PCDHGA6: variants seen among roughly 807,000 people sequenced by gnomAD.
PCDHGA6 encodes protocadherin gamma subfamily A, 6.
In PCDHGA6, 41 loss-of-function variants were observed where a neutral mutation model predicts 60.6. The observed-to-expected ratio is 0.68, with a 90% CI of 0.53 to 0.88. PCDHGA6 has a LOEUF of 0.88. PCDHGA6 is among the 40% of genes least tolerant of loss of function. The pLI, the probability that PCDHGA6 is intolerant of heterozygous loss-of-function variation, is 0.00. For missense variants in PCDHGA6, 1,312 were observed against 1,203.0 expected (o/e 1.09, Z -1.34); for synonymous variants, 594 against 524.4 (o/e 1.13, Z -1.81).
At chr5:141,414,706 A>G in intron 1 of PCDHGA6, 1 of 1,614,002 alleles carries the variant, frequency 6.2e-7, no homozygotes, top group South Asian at 1.1e-5. Context: ...ATACATATCC[A>G]TCAACTCAGA....
chr5:141,486,271 C>T lies in PCDHGA6; in HGVS notation c.2425-8536C>T. 1 of 1,614,086 alleles carries T rather than the reference C, an allele frequency of 6.2e-7. No homozygotes were observed. Among genetic ancestry groups the T allele is most frequent in the Non-Finnish European group, 8.5e-7 (1 of 1,179,994 alleles). ...CCCTCCCCGAGAGTGCAGAACCTGG[C>T]ACTGTGGTGGCACTTATCAGTGTGC... On this transcript the variant is annotated intron_variant, in intron 1 of 3. Coordinates refer to ENST00000517434, the MANE Select transcript of PCDHGA6 (RefSeq NM_018919.3). The surrounding 1 kb of genome is among the most constrained non-coding windows in gnomAD (Gnocchi z 5.0).
At chr5:141,383,719 A>G in intron 1 of PCDHGA6, 1 of 1,613,984 alleles carries the variant, frequency 6.2e-7, no homozygotes, top group Non-Finnish European at 8.5e-7. Flanking sequence ...CGAGGGAGTC[A>G]ATGGGGAAGT....
chr5:141,480,660 C>T (rs535356928), intron 1 of PCDHGA6, among the ~76,000 whole-genome samples: 2 of 152,170 alleles, frequency 1.3e-5, no homozygotes, highest in Non-Finnish European at 2.9e-5. Flanking sequence ...ACATTAAAAT[C>T]ACCTAGAGAC....
chr5:141,383,036 G>T, intron 1 of PCDHGA6: 1 of 1,613,876 alleles, frequency 6.2e-7, no homozygotes, highest in Non-Finnish European at 8.5e-7. Flanking sequence ...TCCTTTGTGG[G>T]AGACATCGCC....
chr5:141,476,412 G>T lies in PCDHGA6; in HGVS notation c.2425-18395G>T. The T allele has an allele frequency of 1.2e-6, 2 of 1,614,140 alleles. No homozygotes were observed. Among genetic ancestry groups the T allele is most frequent in the Non-Finnish European group, 1.7e-6 (2 of 1,180,010 alleles). On this transcript the variant is annotated intron_variant, in intron 1 of 3. Coordinates refer to ENST00000517434, the MANE Select transcript of PCDHGA6 (RefSeq NM_018919.3). The surrounding 1 kb of genome is among the most constrained non-coding windows in gnomAD (Gnocchi z 7.6). ...CGTCTGGATCGAGAGGAGCTGTGTGGGACACTGCCCTCTTGCACTGTAACT... is the reference window on the plus strand; with the variant it reads ...CGTCTGGATCGAGAGGAGCTGTGTGTGACACTGCCCTCTTGCACTGTAACT...
rs768559201 is a variant in PCDHGA6, at chr5:141,431,344, G to A, written c.2424+54837G>A. Reference sequence around the variant, plus strand: ...ACGGTAGTAAGTACCCCGAATTGGTGCTGAAACGCGCCCTGGACCGCGAAG... The same window carrying A: ...ACGGTAGTAAGTACCCCGAATTGGTACTGAAACGCGCCCTGGACCGCGAAG... On this transcript the variant is annotated intron_variant, in intron 1 of 3. Coordinates refer to ENST00000517434, the MANE Select transcript of PCDHGA6 (RefSeq NM_018919.3). The surrounding 1 kb of genome is among the most constrained non-coding windows in gnomAD (Gnocchi z 4.8). 3.9e-5 allele frequency: 63 copies of A among 1,614,078 alleles called. No homozygotes were observed. Among genetic ancestry groups the A allele is most frequent in the Non-Finnish European group, 5.0e-5 (59 of 1,180,044 alleles).
rs966291038 is a variant in PCDHGA6, at chr5:141,487,740, G to A, written c.2425-7067G>A. 4 of 1,562,290 alleles carry A rather than the reference G, an allele frequency of 2.6e-6. No individual in the cohort carries two copies. The highest frequency in any genetic ancestry group is 1.7e-6 in the Non-Finnish European group (2 of 1,151,972). On this transcript the variant is annotated intron_variant, in intron 1 of 3. Transcript: ENST00000517434. The surrounding 1 kb of genome is among the most constrained non-coding windows in gnomAD (Gnocchi z 5.0). ...CATAGTGATGTCACCATTTTTGTAAGAGGTAACTATGTGGTAGACGCTGTG... is the reference window on the plus strand; with the variant it reads ...CATAGTGATGTCACCATTTTTGTAAAAGGTAACTATGTGGTAGACGCTGTG...
intron 1 of PCDHGA6, among the ~76,000 whole-genome samples, chr5:141,444,885 T>C (rs547403761): frequency 6.6e-6 from 1 of 152,320 alleles, no homozygotes; most frequent in African/African-American, 2.4e-5. Flanking sequence ...TGTAGGATTT[T>C]TGAATGGGAT....
intron 1 of PCDHGA6, among the ~76,000 whole-genome samples, chr5:141,472,310 G>A (rs2099276586): frequency 6.6e-6 from 1 of 152,040 alleles, no homozygotes; most frequent in Non-Finnish European, 1.5e-5. Flanking sequence ...GGGAAGCCGA[G>A]GCAGGCAGAT....
chr5:141,469,476 G>A (rs2154570344), intron 1 of PCDHGA6, among the ~76,000 whole-genome samples: 1 of 152,246 alleles, frequency 6.6e-6, no homozygotes, highest in South Asian at 2.1e-4. Context: ...TCGGGAGGCT[G>A]AGGCAGGAGA....
chr5:141,445,363 T>C (rs186841717), intron 1 of PCDHGA6, among the ~76,000 whole-genome samples: 9 of 152,284 alleles, frequency 5.9e-5, no homozygotes. Context: ...CCAAGTCTGG[T>C]CCTGGGTGGT....
intron 1 of PCDHGA6, chr5:141,422,178 G>A (rs1561799748): frequency 1.9e-6 from 3 of 1,563,306 alleles, no homozygotes; most frequent in Non-Finnish European, 1.7e-6. Flanking sequence ...GATTCTATGA[G>A]ATGGAAATTC....
chr5:141,422,968 C>T lies in PCDHGA6; in HGVS notation c.2424+46461C>T. 6.2e-7 allele frequency: 1 copy of T among 1,614,240 alleles called. No homozygotes were observed. Among genetic ancestry groups the T allele is most frequent in the South Asian group, 1.1e-5 (1 of 91,086 alleles). On this transcript the variant is annotated intron_variant, in intron 1 of 3. Coordinates refer to ENST00000517434, the MANE Select transcript of PCDHGA6 (RefSeq NM_018919.3). ...CTCCACTGGCGTGGAGCTGGCGCCC[C>T]GCTCTGCGGAACCTGGCTACCTGGT...
chr5:141,475,990 A>T, intron 1 of PCDHGA6: 1 of 1,140,672 alleles, frequency 8.8e-7, no homozygotes, highest in Non-Finnish European at 1.2e-6. Context: ...CGGCGAGCAA[A>T]TCAACGGCAT....
chr5:141,409,014 AG>A, intron 1 of PCDHGA6: 1 of 1,614,014 alleles, frequency 6.2e-7, no homozygotes, highest in Non-Finnish European at 8.5e-7. Context: ...GACCAGGATG[AG>A]GGGGTCAATG....
In PCDHGA6 at chr5:141,512,874, C is replaced by G. The variant is rs2099884476; in HGVS notation, c.*1701C>G. The G allele has an allele frequency of 6.6e-6, 1 of 152,246 alleles. No homozygotes were observed. Among genetic ancestry groups the G allele is most frequent in the Non-Finnish European group, 1.5e-5 (1 of 68,062 alleles). 9.4% of individuals were successfully genotyped at this position (152,246 alleles called of 1,614,324 possible). ...CTTCTCTTCGCATAGTCACGTAGCT[C>G]CCACCCCACCCTCTTCCTGTGTCTC... On this transcript the variant is annotated 3_prime_UTR_variant, in exon 4 of 4. Transcript: ENST00000517434.
chr5:141,480,607 C>T (rs2099522175), intron 1 of PCDHGA6, among the ~76,000 whole-genome samples: 1 of 145,670 alleles, frequency 6.9e-6, no homozygotes, highest in Admixed American at 6.8e-5. Context: ...GCCTGGAAAG[C>T]AACTGGCATT....
At chr5:141,397,978 C>G in intron 1 of PCDHGA6, 1 of 1,261,722 alleles carries the variant, frequency 7.9e-7, no homozygotes, top group Non-Finnish European at 1.1e-6. Flanking sequence ...CAGCGCCGGC[C>G]TTTACACCGC....
chr5:141,396,725 T>A (rs1432052825), intron 1 of PCDHGA6: 2 of 152,198 alleles, frequency 1.3e-5, no homozygotes, highest in East Asian at 3.8e-4. Flanking sequence ...AATACCTGAA[T>A]TGATTGTTGT....
Sources: allele counts gnomAD v4.1 joint callset (sites outside exome capture counted in the v4.1 genomes callset), GRCh38; gene constraint gnomAD v4.1.1; non-coding constraint Gnocchi (gnomAD v3.1); transcripts MANE v1.5; gene names NCBI Gene and HGNC (gene_info 2026-07-23, HGNC 2026-07-21).